Variants in CDK18 observed in about 807,000 individuals in gnomAD.
CDK18 encodes the protein cyclin-dependent kinase 18.
Under a neutral mutation model 62.0 loss-of-function variants are expected in CDK18, and 52 were observed. That is an observed-to-expected ratio of 0.84 (90% CI 0.67 to 1.06). CDK18 has a LOEUF of 1.06. Among genes scored for constraint, CDK18 ranks in the 50% least tolerant of loss-of-function variants. The pLI is 0.00. For synonymous variants in CDK18, 237 were observed against 247.0 expected, an observed-to-expected ratio of 0.96 and a Z score of 0.38; for missense variants, 604 against 619.9, an observed-to-expected ratio of 0.97 and a Z score of 0.27.
rs751529214 is a variant in CDK18, at chr1:205,529,096, G to A, written c.1072G>A (p.Gly358Arg). ...GCTGCACCTCATCTTTCGCCTCCTC[G>A]GTCAGTCTCCCGCTGCTCCGTCCCT... ...EELHLIFRLL[G>R]TPTEETWPGV... Residue 358 changes from glycine to arginine, a missense_variant and splice_region_variant, in exon 11 of 16, where the codon GGG becomes AGG. By Grantham distance (125) the Gly-to-Arg change is moderately radical. Coordinates refer to ENST00000429964, the MANE Select transcript of CDK18 (RefSeq NM_212502.3). 7 of 1,573,962 alleles carry A rather than the reference G, an allele frequency of 4.4e-6. No homozygotes were observed. Among genetic ancestry groups the A allele is most frequent in the Admixed American group, 1.8e-5 (1 of 54,098 alleles).
At chr1:205,513,676 G>A (rs1156407816) in intron 1 of CDK18, among the ~76,000 whole-genome samples, 2 of 152,180 alleles carry the variant, frequency 1.3e-5, no homozygotes, top group African/African-American at 4.8e-5. Flanking sequence ...TGCCCTACAA[G>A]GCTCTGAGAA....
intron 7 of CDK18, 144 bp downstream of exon 7, chr1:205,526,605 C>G (rs766981933): frequency 3.2e-6 from 3 of 930,212 alleles, no homozygotes; most frequent in South Asian, 1.4e-5. Flanking sequence ...CAGATGCTCC[C>G]GTGCAGGAGT....
Position 205,517,452 on chromosome 1 carries a change from T to C in CDK18, c.-21-5695T>C, listed in dbSNP as rs1039501454. On this transcript the variant is annotated intron_variant, in intron 1 of 15. Transcript: ENST00000429964. This position sits in a 1 kb window ranked among gnomAD's most constrained non-coding sequence, Gnocchi z 4.1. Reference sequence around the variant, plus strand: ...GAGAGCCAAGCTTTGCTGGACATCTTCCCTGTGCCAGTGGTGTGTTGTGTT... The same window carrying C: ...GAGAGCCAAGCTTTGCTGGACATCTCCCCTGTGCCAGTGGTGTGTTGTGTT... Among the ~76,000 whole-genome samples, 3 of 152,152 alleles carry C rather than the reference T, an allele frequency of 2.0e-5. No homozygotes were observed. The highest frequency in any genetic ancestry group is 7.2e-5 in the African/African-American group (3 of 41,428).
intron 1 of CDK18, among the ~76,000 whole-genome samples, chr1:205,518,414 T>C (rs112691407): frequency 6.6e-6 from 1 of 152,212 alleles, no homozygotes; most frequent in African/African-American, 2.4e-5. Flanking sequence ...AGAGGGGTTT[T>C]ATCACGTCAT....
intron 1 of CDK18, among the ~76,000 whole-genome samples, chr1:205,506,473 G>A (rs990532913): frequency 2.0e-5 from 3 of 152,182 alleles, no homozygotes; most frequent in East Asian, 1.9e-4. Flanking sequence ...CAAACTTATC[G>A]GGGGTGCCAG....
In CDK18 at chr1:205,528,588, CGGTGGTTATGAATG is replaced by C. The variant is rs1484602122; in HGVS notation, c.975-409_975-396del. 6 of 253,544 alleles carry C rather than the reference CGGTGGTTATGAATG, an allele frequency of 2.4e-5. No individual in the cohort carries two copies. Among genetic ancestry groups the C allele is most frequent in the Non-Finnish European group, 4.5e-5 (6 of 133,866 alleles). The allele number at this position is 253,544 out of a possible 1,614,324, so 15.7% of individuals were successfully genotyped here. Reference sequence around the variant, plus strand: ...CAGCCCAAATTGCAAGCCAAGCCGCCGGTGGTTATGAATGGCTGCTGTGACTCCGCCCCAAGGTT... The same window carrying C: ...CAGCCCAAATTGCAAGCCAAGCCGCCGCTGCTGTGACTCCGCCCCAAGGTT... On this transcript the variant is annotated intron_variant, in intron 10 of 15. Transcript: ENST00000429964. This position sits in a 1 kb window ranked among gnomAD's most constrained non-coding sequence, Gnocchi z 4.2.
At chr1:205,522,362 G>A (rs1668174898) in intron 1 of CDK18, 1 of 152,186 alleles carries the variant, frequency 6.6e-6, no homozygotes. Flanking sequence ...GAGGCCTGCA[G>A]GGATCAAGCC....
At chr1:205,515,516 A>C (rs1167100551) in intron 1 of CDK18, among the ~76,000 whole-genome samples, 6 of 152,156 alleles carry the variant, frequency 3.9e-5, no homozygotes, top group Non-Finnish European at 8.8e-5. Context: ...CATCATCAGA[A>C]AGCAGCTGAG....
At chr1:205,530,730 C>T (rs2102326054) in intron 15 of CDK18, 25 bp downstream of exon 15, 4 of 1,600,990 alleles carry the variant, frequency 2.5e-6, no homozygotes, top group East Asian at 4.5e-5. Flanking sequence ...TCTCCTGGAC[C>T]CCTCCCCTTG....
At chr1:205,512,735 G>A (rs1256715862) in intron 1 of CDK18, among the ~76,000 whole-genome samples, 4 of 152,218 alleles carry the variant, frequency 2.6e-5, no homozygotes, top group Non-Finnish European at 5.9e-5. Context: ...AGTTGGAGAC[G>A]ACCAGCCAGG....
At chr1:205,515,778 C>G (rs1194519060) in intron 1 of CDK18, among the ~76,000 whole-genome samples, 5 of 152,188 alleles carry the variant, frequency 3.3e-5, no homozygotes, top group Non-Finnish European at 1.5e-5. Flanking sequence ...AAGGGCGACC[C>G]TGATCCCCAC....
chr1:205,526,741 G>C, intron 7 of CDK18, 34 bp from the exon 8 acceptor site: 1 of 1,598,656 alleles, frequency 6.3e-7, no homozygotes, highest in Non-Finnish European at 8.6e-7. Flanking sequence ...AGGGGTCAGC[G>C]TGGGGCAGGA....
At chr1:205,529,657 G>T (rs1001433123) in intron 13 of CDK18, 94 bp downstream of exon 13, 1 of 1,599,478 alleles carries the variant, frequency 6.3e-7, no homozygotes, top group East Asian at 2.3e-5. Flanking sequence ...TCTGTGGCTC[G>T]TGTGCTTACA....
In CDK18 at chr1:205,524,220, C is replaced by T. The variant is rs755303424; in HGVS notation, c.274-12C>T. The T allele has an allele frequency of 4.3e-6, 7 of 1,614,012 alleles. No individual in the cohort carries two copies. Among genetic ancestry groups the T allele is most frequent in the Non-Finnish European group, 5.9e-6 (7 of 1,180,002 alleles). ...CAACAGTGGTGTCCCCATCTCATCC[C>T]TGTCACCACAGGACGTCAGCAAGAG... On this transcript the variant is annotated splice_polypyrimidine_tract_variant and intron_variant, in intron 3 of 15. Coordinates refer to ENST00000429964, the MANE Select transcript of CDK18 (RefSeq NM_212502.3).
At chr1:205,513,541 C>T (rs1214066864) in intron 1 of CDK18, among the ~76,000 whole-genome samples, 1 of 152,224 alleles carries the variant, frequency 6.6e-6, no homozygotes, top group African/African-American at 2.4e-5. Flanking sequence ...AGCCAGAGAG[C>T]AGCAGGGTGG....
chr1:205,528,944 C>T lies in CDK18; in HGVS notation c.975-55C>T. The T allele has an allele frequency of 1.6e-6, 2 of 1,242,742 alleles. No individual in the cohort carries two copies. The highest frequency in any genetic ancestry group is 1.3e-5 in the South Asian group (1 of 75,538). 77.0% of individuals were successfully genotyped at this position (1,242,742 alleles called of 1,614,324 possible). A position where few individuals can be genotyped will look rare whatever the true frequency, so the allele number is the denominator to read the frequency against. On this transcript the variant is annotated intron_variant, in intron 10 of 15. Coordinates refer to ENST00000429964, the MANE Select transcript of CDK18 (RefSeq NM_212502.3). The surrounding 1 kb of genome is among the most constrained non-coding windows in gnomAD (Gnocchi z 4.2). ...TCATTGGTGCCCTGGTGGAGCAGCC[C>T]TAGGAAGGGCGGCCGCCCCTGCCTG...
intron 4 of CDK18, 53 bp from the exon 5 acceptor site, chr1:205,525,086 G>A: frequency 2.3e-6 from 3 of 1,296,212 alleles, no homozygotes; most frequent in South Asian, 1.3e-5. Context: ...CGTCATGTCT[G>A]TGGAGCTGCT....
At position 205,530,621 on chromosome 1, in the gene CDK18, C is replaced by T. The variant is rs1168820117; in HGVS notation, c.1313-7C>T. ...CCCTCTCCAGACTATGCACTTCTCTCCCCCAGCTGCCTCCATCTTCTCCCT... is the reference window on the plus strand; with the variant it reads ...CCCTCTCCAGACTATGCACTTCTCTTCCCCAGCTGCCTCCATCTTCTCCCT... On this transcript the variant is annotated splice_region_variant and splice_polypyrimidine_tract_variant and intron_variant, in intron 14 of 15. Transcript: ENST00000429964. 4.3e-6 allele frequency: 7 copies of T among 1,613,684 alleles called. No individual in the cohort carries two copies. The highest frequency in any genetic ancestry group is 4.2e-6 in the Non-Finnish European group (5 of 1,179,658).
chr1:205,513,744 C>T (rs1667680385), intron 1 of CDK18, among the ~76,000 whole-genome samples: 1 of 152,240 alleles, frequency 6.6e-6, no homozygotes, highest in African/African-American at 2.4e-5. Flanking sequence ...ACCCCTTCCC[C>T]ACAGCCCTGG....
Sources: allele counts gnomAD v4.1 joint callset (sites outside exome capture counted in the v4.1 genomes callset), GRCh38; gene constraint gnomAD v4.1.1; non-coding constraint Gnocchi (gnomAD v3.1); transcripts MANE v1.5; gene names NCBI Gene and HGNC (gene_info 2026-07-23, HGNC 2026-07-21).